SH2B3: variants seen among roughly 807,000 people sequenced by gnomAD.
The protein encoded by SH2B3 is SH2B adapter protein 3.
A neutral mutation model predicts 51.9 loss-of-function variants in SH2B3; 43 were observed. The observed-to-expected ratio is 0.83, with a 90% CI of 0.65 to 1.07. The LOEUF (loss-of-function observed/expected upper bound fraction) is 1.07, where lower values mean the gene tolerates loss of function less well. Among genes scored for constraint, SH2B3 ranks in the 50% least tolerant of loss-of-function variants. The pLI is 0.00. For missense variants in SH2B3, 952 were observed against 834.3 expected, an observed-to-expected ratio of 1.14 and a Z score of -1.74; for synonymous variants, 396 against 376.0, an observed-to-expected ratio of 1.05 and a Z score of -0.62.
Position 111,447,443 on chromosome 12 carries a change from C to G in SH2B3, c.1135C>G (p.Gln379Glu), listed in dbSNP as rs1332773263. The change falls in exon 6 of 8, where the codon CAG (glutamine) becomes GAG (glutamate). Residue 379 changes from glutamine (Q) to glutamate (E), a missense_variant. Gln to Glu is a conservative substitution (Grantham distance 29, BLOSUM62 2). Coordinates refer to ENST00000341259, the MANE Select transcript of SH2B3 (RefSeq NM_005475.3). Reference protein sequence around the residue: ...ISRVKAAQLVQLQGPDAHGVF... With the variant: ...ISRVKAAQLVELQGPDAHGVF... ...CAGAGTGAAAGCAGCTCAGCTGGTT[C>G]AGCTGCAGGGCCCTGATGCTCATGG... 1.9e-6 allele frequency: 3 copies of G among 1,613,654 alleles called. No individual in the cohort carries two copies. Among genetic ancestry groups the G allele is most frequent in the Non-Finnish European group, 2.5e-6 (3 of 1,179,774 alleles).
At chr12:111,445,411 G>C (rs1873851928) in intron 2 of SH2B3, among the ~76,000 whole-genome samples, 1 of 152,232 alleles carries the variant, frequency 6.6e-6, no homozygotes, top group Non-Finnish European at 1.5e-5. Flanking sequence ...ACACTGCGCT[G>C]TGTCCAGTGC....
chr12:111,438,792 C>T lies in SH2B3; in HGVS notation c.733-7961C>T, dbSNP rs540226080. 2.1e-4 allele frequency among the ~76,000 whole-genome samples: 32 copies of T among 152,246 alleles called. 1 individual carries two copies. The highest frequency in any genetic ancestry group is 7.0e-4 in the African/African-American group (29 of 41,530). ...AGGAGATGACACTTTGAAAAGCAGTCGTATTTGTGAAGCTGTGGGGGGAGC... is the reference window on the plus strand; with the variant it reads ...AGGAGATGACACTTTGAAAAGCAGTTGTATTTGTGAAGCTGTGGGGGGAGC... On this transcript the variant is annotated intron_variant, in intron 2 of 7. Coordinates refer to ENST00000341259, the MANE Select transcript of SH2B3 (RefSeq NM_005475.3). This position sits in a 1 kb window ranked among gnomAD's most constrained non-coding sequence, Gnocchi z 4.2.
At chr12:111,434,740 T>C in intron 2 of SH2B3, 1 of 1,414,826 alleles carries the variant, frequency 7.1e-7, no homozygotes, top group Admixed American at 2.8e-5. Context: ...TTTAATTATT[T>C]AATCCAGCTG....
intron 6 of SH2B3, 38 bp from the exon 7 acceptor site, chr12:111,447,618 G>A: frequency 6.2e-7 from 1 of 1,610,350 alleles, no homozygotes; most frequent in Non-Finnish European, 8.5e-7. Context: ...CAGGGTCCTA[G>A]AGGGACAGCC....
At chr12:111,444,881 C>G in intron 2 of SH2B3, 1 of 985,732 alleles carries the variant, frequency 1.0e-6, no homozygotes, top group Non-Finnish European at 1.2e-6. Context: ...GACCCCGGCT[C>G]TGATACTTGG....
chr12:111,439,133 C>T (rs915600024), intron 2 of SH2B3, among the ~76,000 whole-genome samples: 10 of 152,084 alleles, frequency 6.6e-5, no homozygotes, highest in South Asian at 4.1e-4. Context: ...CCACCATGCC[C>T]GACTAATTTT....
intron 1 of SH2B3, among the ~76,000 whole-genome samples, chr12:111,415,209 G>A (rs1870992051): frequency 1.3e-5 from 2 of 152,242 alleles, no homozygotes; most frequent in Admixed American, 1.3e-4. Context: ...TTCATTCAGG[G>A]TGTGCTGATA....
chr12:111,448,792 C>G lies in SH2B3; in HGVS notation c.*490C>G, dbSNP rs1874324494. Reference sequence around the variant, plus strand: ...GTGTCCACACCACAGATGACCACATCTAATCCTGCTTCTACTCTCAGCTTT... The same window carrying G: ...GTGTCCACACCACAGATGACCACATGTAATCCTGCTTCTACTCTCAGCTTT... On this transcript the variant is annotated 3_prime_UTR_variant, in exon 8 of 8. Coordinates refer to ENST00000341259, the MANE Select transcript of SH2B3 (RefSeq NM_005475.3). The G allele has an allele frequency of 6.4e-6, 1 of 157,270 alleles. No homozygotes were observed. Among genetic ancestry groups the G allele is most frequent in the Non-Finnish European group, 1.4e-5 (1 of 70,746 alleles). The allele number at this position is 157,270 out of a possible 1,614,324, so 9.7% of individuals were successfully genotyped here. A position where few individuals can be genotyped will look rare whatever the true frequency, so the allele number is the denominator to read the frequency against.
At chr12:111,440,293 A>C (rs1873283646) in intron 2 of SH2B3, among the ~76,000 whole-genome samples, 1 of 152,334 alleles carries the variant, frequency 6.6e-6, no homozygotes, top group Non-Finnish European at 1.5e-5. Flanking sequence ...CCTTGCACGG[A>C]GCTGGCCCGG....
At chr12:111,408,762 T>G (rs2135530924) in intron 1 of SH2B3, among the ~76,000 whole-genome samples, 1 of 152,314 alleles carries the variant, frequency 6.6e-6, no homozygotes, top group East Asian at 1.9e-4. Flanking sequence ...CCAGTTTACA[T>G]GACCCCACAC....
At position 111,407,076 on chromosome 12, in the gene SH2B3, G is replaced by C. The variant is rs889581224; in HGVS notation, c.-28+799G>C. Among the ~76,000 whole-genome samples, 1 of 152,154 alleles carries C rather than the reference G, an allele frequency of 6.6e-6. No individual in the cohort carries two copies. The highest frequency in any genetic ancestry group is 2.1e-4 in the South Asian group (1 of 4,828). ...CCTCCGGCCAGGGGAGCTTTGTTTTGAGGGAGGGGGACTGCATTTGAGGAA... is the reference window on the plus strand; with the variant it reads ...CCTCCGGCCAGGGGAGCTTTGTTTTCAGGGAGGGGGACTGCATTTGAGGAA... On this transcript the variant is annotated intron_variant, in intron 1 of 7. Coordinates refer to ENST00000341259, the MANE Select transcript of SH2B3 (RefSeq NM_005475.3). This position sits in a 1 kb window ranked among gnomAD's most constrained non-coding sequence, Gnocchi z 4.3.
intron 2 of SH2B3, among the ~76,000 whole-genome samples, chr12:111,425,699 G>A (rs1486335759): frequency 2.0e-5 from 3 of 152,160 alleles, no homozygotes; most frequent in Admixed American, 6.5e-5. Flanking sequence ...GGGGCCACCT[G>A]CGGGTGGGAG....
At position 111,435,285 on chromosome 12, in the gene SH2B3, T is replaced by C. The variant is rs886809108; in HGVS notation, c.733-11468T>C. Among the ~76,000 whole-genome samples, 1 of 152,212 alleles carries C rather than the reference T, an allele frequency of 6.6e-6. No individual in the cohort carries two copies. Among genetic ancestry groups the C allele is most frequent in the Non-Finnish European group, 1.5e-5 (1 of 68,032 alleles). On this transcript the variant is annotated intron_variant, in intron 2 of 7. Transcript: ENST00000341259. This position sits in a 1 kb window ranked among gnomAD's most constrained non-coding sequence, Gnocchi z 4.8. ...GGGACCTGGCCCCACTGGTGTGTGC[T>C]ACAGTAGACCCAGCCCTGGGGCCCC...
At chr12:111,446,364 A>C (rs1257775600) in intron 2 of SH2B3, among the ~76,000 whole-genome samples, 4 of 152,246 alleles carry the variant, frequency 2.6e-5, no homozygotes, top group Non-Finnish European at 5.9e-5. Flanking sequence ...TAGGCTAGCC[A>C]TGCTAGGCTC....
At position 111,410,466 on chromosome 12, in the gene SH2B3, A is replaced by T. The variant is rs531118851; in HGVS notation, c.-28+4189A>T. Reference sequence around the variant, plus strand: ...GAAAGGAAGAAGCCACGGCCTTGGGATGGGGGGCGTGCGGGATTCTGATGG... The same window carrying T: ...GAAAGGAAGAAGCCACGGCCTTGGGTTGGGGGGCGTGCGGGATTCTGATGG... On this transcript the variant is annotated intron_variant, in intron 1 of 7. Transcript: ENST00000341259. This position sits in a 1 kb window ranked among gnomAD's most constrained non-coding sequence, Gnocchi z 4.9. 1.2e-4 allele frequency among the ~76,000 whole-genome samples: 19 copies of T among 152,156 alleles called. No homozygotes were observed. Among genetic ancestry groups the T allele is most frequent in the African/African-American group, 4.3e-4 (18 of 41,522 alleles).
chr12:111,442,991 C>G (rs1428375805), intron 2 of SH2B3, among the ~76,000 whole-genome samples: 2 of 152,206 alleles, frequency 1.3e-5, no homozygotes, highest in Non-Finnish European at 2.9e-5. Context: ...CCCAGTACCT[C>G]GGAAGACTCT....
intron 2 of SH2B3, among the ~76,000 whole-genome samples, chr12:111,436,094 G>A (rs1226847595): frequency 6.6e-6 from 1 of 152,192 alleles, no homozygotes; most frequent in African/African-American, 2.4e-5. Flanking sequence ...GCCATGTGCT[G>A]GTCCGCTGGC....
intron 2 of SH2B3, among the ~76,000 whole-genome samples, chr12:111,427,916 G>A (rs1316019713): frequency 1.3e-5 from 2 of 152,270 alleles, no homozygotes; most frequent in African/African-American, 4.8e-5. Context: ...CAGATGGGGA[G>A]ACTAGGTCTG....
At chr12:111,426,400 T>G (rs60251974) in intron 2 of SH2B3, among the ~76,000 whole-genome samples, 5,396 of 151,242 alleles carry the variant, frequency 0.036, 359 homozygotes, top group African/African-American at 0.12. Context: ...TTTTTTTTTT[T>G]TTGTTAAGAG....
Sources: gnomAD v4.1 joint callset for allele counts (sites outside exome capture counted in the v4.1 genomes callset) on GRCh38, gnomAD v4.1.1 for gene constraint, Gnocchi (gnomAD v3.1) non-coding constraint, MANE v1.5 for transcripts, NCBI Gene and HGNC (gene_info 2026-07-23, HGNC 2026-07-21) for gene names.